ELMOD1: variants seen among roughly 807,000 people sequenced by gnomAD.
The protein encoded by ELMOD1 is ELMO domain containing 1.
A neutral mutation model predicts 46.7 loss-of-function variants in ELMOD1; 21 were observed. That is an observed-to-expected ratio of 0.45 (90% confidence interval 0.32 to 0.65). The LOEUF (loss-of-function observed/expected upper bound fraction) is 0.65, where lower values mean the gene tolerates loss of function less well. ELMOD1 is among the 30% of genes least tolerant of loss of function. ELMOD1 has a pLI of 0.04. For synonymous variants in ELMOD1, 122 were observed against 138.2 expected (o/e 0.88, Z 0.82); for missense variants, 348 against 407.8 (o/e 0.85, Z 1.26).
intron 5 of ELMOD1, among the ~76,000 whole-genome samples, chr11:107,634,676 G>A (rs568949741): frequency 6.6e-6 from 1 of 152,270 alleles, no homozygotes; most frequent in East Asian, 1.9e-4. Context: ...AGGAGGCGGA[G>A]GTTGCAGTGA....
At chr11:107,596,699 C>A (rs1197519851) in intron 1 of ELMOD1, among the ~76,000 whole-genome samples, 1 of 152,118 alleles carries the variant, frequency 6.6e-6, no homozygotes, top group Non-Finnish European at 1.5e-5. Context: ...AAATACTTTA[C>A]ATAGAATTTT....
chr11:107,624,194 T>C (rs1866002548), intron 2 of ELMOD1, among the ~76,000 whole-genome samples: 1 of 152,236 alleles, frequency 6.6e-6, no homozygotes, highest in South Asian at 2.1e-4. Context: ...TTGGGTTGCC[T>C]TAAAAATATT....
At chr11:107,633,491 GGC>G (rs1866176417) in intron 5 of ELMOD1, among the ~76,000 whole-genome samples, 1 of 152,054 alleles carries the variant, frequency 6.6e-6, no homozygotes, top group Admixed American at 6.5e-5. Context: ...GGAGTGCAAT[GGC>G]GCAGTCTAGG....
intron 1 of ELMOD1, among the ~76,000 whole-genome samples, chr11:107,615,617 GCTTCATT>G (rs1865849154): frequency 6.6e-6 from 1 of 152,062 alleles, no homozygotes; most frequent in African/African-American, 2.4e-5. Context: ...TAAAGTCCTT[GCTTCATT>G]CAATTTTTCT....
At chr11:107,659,992 C>T (rs116454157) in intron 11 of ELMOD1, among the ~76,000 whole-genome samples, 446 of 152,176 alleles carry the variant, frequency 2.9e-3, no homozygotes, top group African/African-American at 0.011. Flanking sequence ...TACATATTTC[C>T]GAAGGCCCTC....
chr11:107,618,145 C>T lies in ELMOD1; in HGVS notation c.-45C>T. On this transcript the variant is annotated 5_prime_UTR_variant, in exon 2 of 12. Transcript: ENST00000265840. ...ACAAAGGCAAATTTGGAAGCAATTA[C>T]TTGAGGACAGTTCATATAGCATCTG... The T allele has an allele frequency of 6.4e-7, 1 of 1,559,076 alleles. No individual in the cohort carries two copies. The highest frequency in any genetic ancestry group is 8.7e-7 in the Non-Finnish European group (1 of 1,150,440).
rs56341702 is a variant in ELMOD1 at position 107,601,416 on chromosome 11, C to CTT, written c.-86+10023_-86+10024dup. ...TTCTATTAATGTCTATTAATTTTTT[C>CTT]TTTTTTTTTTTTTTTTTGAGACAGA... On this transcript the variant is annotated intron_variant, in intron 1 of 11. Coordinates refer to ENST00000265840, the MANE Select transcript of ELMOD1 (RefSeq NM_018712.4). Among the ~76,000 whole-genome samples the CTT allele has an allele frequency of 3.5e-3, 426 of 122,098 alleles. 1 individual carries two copies. The highest frequency in any genetic ancestry group is 4.3e-3 in the Admixed American group (49 of 11,282). 80.1% of individuals were successfully genotyped at this position (122,098 alleles called of 152,430 possible). A position where few individuals can be genotyped will look rare whatever the true frequency, so the allele number is the denominator to read the frequency against.
chr11:107,636,959 G>C (rs755692925), intron 6 of ELMOD1, among the ~76,000 whole-genome samples: 30 of 152,188 alleles, frequency 2.0e-4, no homozygotes, highest in Non-Finnish European at 3.8e-4. Context: ...AGTCACAAGA[G>C]CCTGAACAAT....
chr11:107,650,409 T>A lies in ELMOD1; in HGVS notation c.623+6T>A. ...TCTCTTCATCCGAAATGCAGGTAATTGTTGAAAGTAAAAGATGAATTAGGT... is the reference window on the plus strand; with the variant it reads ...TCTCTTCATCCGAAATGCAGGTAATAGTTGAAAGTAAAAGATGAATTAGGT... On this transcript the variant is annotated splice_donor_region_variant and intron_variant, in intron 8 of 11. Coordinates refer to ENST00000265840, the MANE Select transcript of ELMOD1 (RefSeq NM_018712.4). 6.4e-7 allele frequency: 1 copy of A among 1,572,490 alleles called. No individual in the cohort carries two copies. The highest frequency in any genetic ancestry group is 8.7e-7 in the Non-Finnish European group (1 of 1,155,530).
At chr11:107,659,707 A>ATGGATGGCTGGC (rs1565392894) in intron 11 of ELMOD1, among the ~76,000 whole-genome samples, 8 of 134,498 alleles carry the variant, frequency 5.9e-5, no homozygotes, top group African/African-American at 2.3e-4. Flanking sequence ...GGATGGATGG[A>ATGGATGGCTGGC]TGGCTAAAAT....
chr11:107,632,472 T>C (rs1410151454), intron 5 of ELMOD1, among the ~76,000 whole-genome samples: 2 of 152,198 alleles, frequency 1.3e-5, no homozygotes, highest in African/African-American at 4.8e-5. Flanking sequence ...CAGAGCACAC[T>C]TGCGTAGGTC....
Position 107,654,498 on chromosome 11 carries a change from G to A in ELMOD1, c.698+276G>A, listed in dbSNP as rs145898077. Among the ~76,000 whole-genome samples, 349 of 152,244 alleles carry A rather than the reference G, an allele frequency of 2.3e-3. 2 individuals carry two copies. Among genetic ancestry groups the A allele is most frequent in the African/African-American group, 8.2e-3 (341 of 41,554 alleles). On this transcript the variant is annotated intron_variant, in intron 10 of 11. Coordinates refer to ENST00000265840, the MANE Select transcript of ELMOD1 (RefSeq NM_018712.4). ...TAGAATTGTGTTTGGGGCCGGGCGC[G>A]GTGGCTCACGCCTGTAATCCCAGCA...
At chr11:107,601,032 A>G (rs1384957644) in intron 1 of ELMOD1, among the ~76,000 whole-genome samples, 2 of 152,174 alleles carry the variant, frequency 1.3e-5, no homozygotes, top group Non-Finnish European at 2.9e-5. Context: ...CTTACACATC[A>G]TTTAAAACAT....
At chr11:107,607,473 T>C (rs1865705050) in intron 1 of ELMOD1, among the ~76,000 whole-genome samples, 1 of 152,024 alleles carries the variant, frequency 6.6e-6, no homozygotes, top group South Asian at 2.1e-4. Context: ...CTGGGCAACA[T>C]TGTGAGACCC....
At chr11:107,625,145 T>C (rs1866019334) in intron 2 of ELMOD1, among the ~76,000 whole-genome samples, 2 of 152,212 alleles carry the variant, frequency 1.3e-5, no homozygotes, top group South Asian at 4.1e-4. Flanking sequence ...TAGAGAGCTC[T>C]TATACGGATG....
At position 107,640,656 on chromosome 11, in the gene ELMOD1, G is replaced by C. The variant is rs1029149790; in HGVS notation, c.420+4891G>C. 2.0e-5 allele frequency among the ~76,000 whole-genome samples: 3 copies of C among 152,082 alleles called. No homozygotes were observed. In the East Asian group the frequency reaches 5.8e-4, roughly 29 times the overall value. Reference sequence around the variant, plus strand: ...AAATAACCTTTTTAATGAAAAAGAAGTTCCTCATGTTAAATCTGTTCAAAA... The same window carrying C: ...AAATAACCTTTTTAATGAAAAAGAACTTCCTCATGTTAAATCTGTTCAAAA... On this transcript the variant is annotated intron_variant, in intron 6 of 11. Transcript: ENST00000265840.
chr11:107,598,151 G>A (rs139860980), intron 1 of ELMOD1, among the ~76,000 whole-genome samples: 28 of 152,214 alleles, frequency 1.8e-4, no homozygotes, highest in African/African-American at 6.7e-4. Flanking sequence ...CCAGAAAAAA[G>A]GAGATATATT....
intron 11 of ELMOD1, among the ~76,000 whole-genome samples, chr11:107,657,262 G>T (rs931791338): frequency 6.6e-6 from 1 of 152,178 alleles, no homozygotes; most frequent in East Asian, 1.9e-4. Flanking sequence ...AGTTAAGAGA[G>T]ACTGGGCACT....
At chr11:107,615,455 G>C (rs888758817) in intron 1 of ELMOD1, among the ~76,000 whole-genome samples, 6 of 151,746 alleles carry the variant, frequency 4.0e-5, no homozygotes, top group Admixed American at 6.6e-5. Flanking sequence ...GGATGGTCTC[G>C]ATCTCCTCAC....
Sources: gnomAD v4.1 joint callset for allele counts (sites outside exome capture counted in the v4.1 genomes callset) on GRCh38, gnomAD v4.1.1 for gene constraint, MANE v1.5 for transcripts, NCBI Gene and HGNC (gene_info 2026-07-23, HGNC 2026-07-21) for gene names.